Variants in EIF4G3 observed in about 807,000 individuals in gnomAD.
The protein encoded by EIF4G3 is eukaryotic translation initiation factor 4 gamma 3, also known as eIF-4-gamma 3.
EIF4G3 carries 34 observed loss-of-function variants against 186.4 expected under a neutral mutation model. That is an observed-to-expected ratio of 0.18 (90% confidence interval 0.14 to 0.24). The LOEUF (loss-of-function observed/expected upper bound fraction) is 0.24, where lower values mean the gene tolerates loss of function less well. EIF4G3 is among the 10% of genes least tolerant of loss of function. The pLI, the probability that EIF4G3 is intolerant of heterozygous loss-of-function variation, is 1.00. For synonymous variants in EIF4G3, 673 were observed against 679.5 expected, an observed-to-expected ratio of 0.99 and a Z score of 0.15; for missense variants, 1,536 against 1,948.5, an observed-to-expected ratio of 0.79 and a Z score of 3.99.
At chr1:21,160,324 C>G (rs2097743630) in intron 2 of EIF4G3, among the ~76,000 whole-genome samples, 1 of 152,056 alleles carries the variant, frequency 6.6e-6, no homozygotes, top group Non-Finnish European at 1.5e-5. Flanking sequence ...GAATTATAAT[C>G]AATAAATGTA....
At chr1:21,006,706 C>G (rs1222198377) in intron 4 of EIF4G3, among the ~76,000 whole-genome samples, 1 of 152,122 alleles carries the variant, frequency 6.6e-6, no homozygotes, top group Non-Finnish European at 1.5e-5. Context: ...ATGTTAAAAA[C>G]AGTGATTTGG....
At chr1:21,077,433 G>T (rs2095621533) in intron 3 of EIF4G3, among the ~76,000 whole-genome samples, 1 of 151,420 alleles carries the variant, frequency 6.6e-6, no homozygotes, top group African/African-American at 2.4e-5. Context: ...AAGGACAAAT[G>T]ATCTAAACAG....
At chr1:20,891,680 G>A (rs565863009) in intron 18 of EIF4G3, among the ~76,000 whole-genome samples, 3 of 151,422 alleles carry the variant, frequency 2.0e-5, no homozygotes, top group South Asian at 2.1e-4. Context: ...CCAGCTACTC[G>A]GGAGGCCAAG....
At chr1:20,873,927 G>A (rs1332576622) in intron 20 of EIF4G3, among the ~76,000 whole-genome samples, 1 of 152,048 alleles carries the variant, frequency 6.6e-6, no homozygotes, top group Non-Finnish European at 1.5e-5. Flanking sequence ...ACTTATGAGT[G>A]AGAACATGCA....
At chr1:20,895,967 A>G (rs909766609) in intron 16 of EIF4G3, among the ~76,000 whole-genome samples, 3 of 149,592 alleles carry the variant, frequency 2.0e-5, no homozygotes, top group Admixed American at 6.7e-5. Flanking sequence ...AATAGATGAC[A>G]GCTCTATGCA....
chr1:20,849,586 G>A (rs1012547117), intron 28 of EIF4G3, 56 bp from the exon 29 acceptor site: 11 of 763,188 alleles, frequency 1.4e-5, no homozygotes, highest in Non-Finnish European at 2.3e-5. Context: ...TATTAAAATA[G>A]TGAGATTATG....
At chr1:21,066,296 A>G (rs75256563) in intron 3 of EIF4G3, among the ~76,000 whole-genome samples, 237 of 3,118 alleles carry the variant, frequency 0.076, 13 homozygotes, top group South Asian at 0.48. Context: ...TCCTGGAGGA[A>G]AAAAAAAAAA....
intron 29 of EIF4G3, among the ~76,000 whole-genome samples, chr1:20,843,130 T>C (rs887378841): frequency 6.6e-6 from 1 of 150,486 alleles, no homozygotes; most frequent in Admixed American, 6.6e-5. Flanking sequence ...TGAGCCACCA[T>C]ACCTGGCCCC....
At chr1:20,996,471 C>CA (rs1256026829) in intron 7 of EIF4G3, among the ~76,000 whole-genome samples, 88 of 152,292 alleles carry the variant, frequency 5.8e-4, no homozygotes, top group African/African-American at 2.0e-3. Context: ...TTTAATAACT[C>CA]AGATTTGCTT....
intron 16 of EIF4G3, among the ~76,000 whole-genome samples, chr1:20,897,976 A>G (rs1479111077): frequency 1.3e-5 from 2 of 152,160 alleles, no homozygotes; most frequent in African/African-American, 4.8e-5. Flanking sequence ...GTCTAAAAAT[A>G]GCAATAGTGT....
chr1:20,872,868 C>T (rs927093974), intron 20 of EIF4G3, among the ~76,000 whole-genome samples: 1 of 152,080 alleles, frequency 6.6e-6, no homozygotes, highest in African/African-American at 2.4e-5. Context: ...TCCCAAGTAG[C>T]TGGGATTACA....
chr1:20,939,522 A>G (rs2095635527), intron 14 of EIF4G3, among the ~76,000 whole-genome samples: 1 of 152,164 alleles, frequency 6.6e-6, no homozygotes, highest in Non-Finnish European at 1.5e-5. Context: ...CAGGTCATCT[A>G]AGTGGCAAAC....
intron 4 of EIF4G3, among the ~76,000 whole-genome samples, chr1:21,014,024 G>T (rs1379410754): frequency 6.6e-6 from 1 of 152,106 alleles, no homozygotes; most frequent in Non-Finnish European, 1.5e-5. Context: ...ATAAAAATTA[G>T]CTGGGCATGG....
chr1:21,007,423 C>G (rs775159725), intron 4 of EIF4G3, among the ~76,000 whole-genome samples: 3 of 145,372 alleles, frequency 2.1e-5, no homozygotes, highest in Non-Finnish European at 4.5e-5. Flanking sequence ...TAAGGTAATA[C>G]TGACCACATT....
intron 20 of EIF4G3, among the ~76,000 whole-genome samples, chr1:20,874,884 CT>C (rs2080306702): frequency 2.0e-5 from 3 of 152,250 alleles, no homozygotes; most frequent in Admixed American, 2.0e-4. Context: ...TAGTAGGATT[CT>C]ATGTTTCTAT....
chr1:20,939,116 T>TAAAAAAA (rs3051247), intron 14 of EIF4G3, among the ~76,000 whole-genome samples: 1 of 129,718 alleles, frequency 7.7e-6, no homozygotes, highest in Non-Finnish European at 1.6e-5. Flanking sequence ...TAAAAAAAAT[T>TAAAAAAA]AAAAAAAAAA....
chr1:20,855,163 A>T, intron 25 of EIF4G3, 92 bp from the exon 26 acceptor site: 1 of 958,498 alleles, frequency 1.0e-6, no homozygotes, highest in Non-Finnish European at 1.5e-6. Context: ...AAGTAGAACC[A>T]ATTTTAGCAA....
chr1:20,855,261 T>G (rs1002873728), intron 25 of EIF4G3, among the ~76,000 whole-genome samples, 190 bp from the exon 26 acceptor site: 3 of 152,236 alleles, frequency 2.0e-5, no homozygotes, highest in Admixed American at 6.5e-5. Context: ...CCTGAAGCAC[T>G]TCCCTGGACT....
chr1:20,965,296 T>C (rs762524112), intron 12 of EIF4G3, among the ~76,000 whole-genome samples: 4 of 152,180 alleles, frequency 2.6e-5, no homozygotes. Context: ...CTCAATATTA[T>C]GTTTCACTAC....
Sources: gnomAD v4.1 joint callset for allele counts (sites outside exome capture counted in the v4.1 genomes callset) on GRCh38, gnomAD v4.1.1 for gene constraint, MANE v1.5 for transcripts, NCBI Gene and HGNC (gene_info 2026-07-23, HGNC 2026-07-21) for gene names.